OSTN: variants seen among roughly 807,000 people sequenced by gnomAD.
OSTN encodes osteocrin.
Under a neutral mutation model 12.0 loss-of-function variants are expected in OSTN, and 9 were observed. That is an observed-to-expected ratio of 0.75 (90% CI 0.45 to 1.30). The LOEUF (loss-of-function observed/expected upper bound fraction) is 1.30, where lower values mean the gene tolerates loss of function less well. OSTN is among the 50% of genes most tolerant of loss of function. The pLI, the probability that OSTN is intolerant of heterozygous loss-of-function variation, is 0.00. For missense variants in OSTN, 148 were observed against 152.3 expected, an observed-to-expected ratio of 0.97 and a Z score of 0.15; for synonymous variants, 59 against 56.9, an observed-to-expected ratio of 1.04 and a Z score of -0.16.
intron 3 of OSTN, among the ~76,000 whole-genome samples, chr3:191,240,105 T>C (rs535219896): frequency 3.9e-5 from 6 of 152,364 alleles, no homozygotes; most frequent in African/African-American, 1.4e-4. Context: ...AAAGCCATTA[T>C]GTTTTGGTTC....
chr3:191,220,158 T>G (rs1378681256), intron 3 of OSTN, among the ~76,000 whole-genome samples: 1 of 152,194 alleles, frequency 6.6e-6, no homozygotes, highest in Non-Finnish European at 1.5e-5. Context: ...TCATTCTTGT[T>G]CCTGGTTCCC....
chr3:191,261,995 T>C (rs1715822516), intron 4 of OSTN, among the ~76,000 whole-genome samples: 2 of 152,124 alleles, frequency 1.3e-5, no homozygotes, highest in African/African-American at 4.8e-5. Context: ...GGCGGGTGGA[T>C]CACCTGAGGT....
In OSTN at chr3:191,263,066, A is replaced by C. The variant is rs932930740; in HGVS notation, c.*213A>C. ...TCATTTTGATGCACGTACATTTTAA[A>C]ATTATATATTTTAATTATTCAAGAA... On this transcript the variant is annotated 3_prime_UTR_variant, in exon 5 of 5. Coordinates refer to ENST00000682035, the MANE Select transcript of OSTN (RefSeq NM_198184.2). The C allele has an allele frequency of 1.4e-5, 7 of 498,480 alleles. No homozygotes were observed. Among genetic ancestry groups the C allele is most frequent in the Non-Finnish European group, 2.5e-5 (7 of 281,262 alleles). 30.9% of individuals were successfully genotyped at this position (498,480 alleles called of 1,614,324 possible). A position where few individuals can be genotyped will look rare whatever the true frequency, so the allele number is the denominator to read the frequency against.
At position 191,221,953 on chromosome 3, in the gene OSTN, G is replaced by T. The variant is rs144930905; in HGVS notation, c.317+2992G>T. 3.7e-3 allele frequency among the ~76,000 whole-genome samples: 557 copies of T among 152,334 alleles called. 2 individuals are homozygous for T. The highest frequency in any genetic ancestry group is 0.013 in the African/African-American group (524 of 41,576). On this transcript the variant is annotated intron_variant, in intron 3 of 4. Coordinates refer to ENST00000682035, the MANE Select transcript of OSTN (RefSeq NM_198184.2). ...CTGCTTCCCAGCCACTCCAGCCTTG[G>T]CTAAAAAGGGCCAAAGTATAACTGG...
At chr3:191,217,091 C>A (rs1437340479) in intron 2 of OSTN, 4 of 152,176 alleles carry the variant, frequency 2.6e-5, no homozygotes, top group African/African-American at 9.7e-5. Context: ...GCTGGGGAGT[C>A]CTCGTTAAAC....
chr3:191,200,850 A>C (rs933313529), intron 1 of OSTN, among the ~76,000 whole-genome samples: 2 of 152,152 alleles, frequency 1.3e-5, no homozygotes, highest in African/African-American at 4.8e-5. Context: ...TTTTGCTTAG[A>C]TTCAATAGTT....
At chr3:191,206,993 G>C (rs1051464036) in intron 1 of OSTN, among the ~76,000 whole-genome samples, 2 of 152,184 alleles carry the variant, frequency 1.3e-5, no homozygotes, top group African/African-American at 4.8e-5. Flanking sequence ...TTCAATGGGA[G>C]AAGATTTTAG....
intron 3 of OSTN, chr3:191,228,816 C>T (rs1357689605): frequency 2.0e-5 from 3 of 152,074 alleles, no homozygotes; most frequent in South Asian, 2.1e-4. Flanking sequence ...AATTAGTAAA[C>T]GAGGTAGAAA....
chr3:191,230,395 C>G (rs1715021665), intron 3 of OSTN, among the ~76,000 whole-genome samples: 1 of 132,574 alleles, frequency 7.5e-6, no homozygotes, highest in Non-Finnish European at 1.6e-5. Context: ...GCAACCCTGT[C>G]TCTACTAAAA....
intron 4 of OSTN, among the ~76,000 whole-genome samples, chr3:191,257,511 C>A (rs1454810457): frequency 6.6e-6 from 1 of 152,056 alleles, no homozygotes; most frequent in Non-Finnish European, 1.5e-5. Context: ...AATCTCCCAG[C>A]AGGGGAGGCA....
At chr3:191,254,345 A>G (rs1256515444) in intron 4 of OSTN, among the ~76,000 whole-genome samples, 1 of 152,260 alleles carries the variant, frequency 6.6e-6, no homozygotes, top group African/African-American at 2.4e-5. Flanking sequence ...TAGGGTTTCA[A>G]GTGAACTTTC....
At chr3:191,259,964 C>G (rs943670425) in intron 4 of OSTN, among the ~76,000 whole-genome samples, 1 of 150,156 alleles carries the variant, frequency 6.7e-6, no homozygotes. Context: ...AAGTGATTCT[C>G]CTGCCTCAGC....
At chr3:191,260,894 C>T (rs1241123426) in intron 4 of OSTN, among the ~76,000 whole-genome samples, 4 of 152,272 alleles carry the variant, frequency 2.6e-5, no homozygotes, top group Non-Finnish European at 5.9e-5. Flanking sequence ...AATATTCATA[C>T]ACAAAGTACC....
chr3:191,207,961 C>T (rs1030878304), intron 1 of OSTN, among the ~76,000 whole-genome samples: 8 of 152,208 alleles, frequency 5.3e-5, no homozygotes, highest in African/African-American at 1.7e-4. Context: ...CAACATAAGA[C>T]ATTTGTTTAT....
intron 3 of OSTN, among the ~76,000 whole-genome samples, chr3:191,227,847 T>A (rs771364286): frequency 5.5e-4 from 84 of 152,178 alleles, no homozygotes; most frequent in Admixed American, 3.3e-4. Context: ...CATAAATATA[T>A]GCTAATATGA....
intron 4 of OSTN, among the ~76,000 whole-genome samples, chr3:191,260,424 G>A (rs1715780609): frequency 6.6e-6 from 1 of 151,828 alleles, no homozygotes; most frequent in Non-Finnish European, 1.5e-5. Context: ...GAGAGCAAAA[G>A]ACTCTTGTTG....
At chr3:191,251,786 T>C (rs1715565951) in intron 4 of OSTN, among the ~76,000 whole-genome samples, 1 of 152,240 alleles carries the variant, frequency 6.6e-6, no homozygotes, top group Admixed American at 6.5e-5. Context: ...TCTAGAGATA[T>C]ACCAAGTATG....
chr3:191,253,257 G>A (rs1225395918), intron 4 of OSTN, among the ~76,000 whole-genome samples: 1 of 151,992 alleles, frequency 6.6e-6, no homozygotes, highest in South Asian at 2.1e-4. Flanking sequence ...TTCATCTTCC[G>A]GGTTTCACTT....
intron 1 of OSTN, among the ~76,000 whole-genome samples, chr3:191,209,232 T>C (rs914059864): frequency 6.6e-6 from 1 of 152,124 alleles, no homozygotes; most frequent in Non-Finnish European, 1.5e-5. Context: ...TCTTAGTACA[T>C]CCTCCTTTAT....
Sources: allele counts gnomAD v4.1 joint callset (sites outside exome capture counted in the v4.1 genomes callset), GRCh38; gene constraint gnomAD v4.1.1; transcripts MANE v1.5; gene names NCBI Gene and HGNC (gene_info 2026-07-23, HGNC 2026-07-21).